MCF2L: variants seen among roughly 807,000 people sequenced by gnomAD.
MCF2L encodes the protein guanine nucleotide exchange factor DBS.
In MCF2L, 97 loss-of-function variants were observed where a neutral mutation model predicts 153.4. That is an observed-to-expected ratio of 0.63 (90% CI 0.54 to 0.75). The LOEUF (loss-of-function observed/expected upper bound fraction) is 0.75, where lower values mean the gene tolerates loss of function less well. MCF2L is among the 30% of genes least tolerant of loss of function. The probability of loss-of-function intolerance (pLI) is 0.00; values close to 1 mark genes in which losing one functional copy is unlikely to be tolerated. For missense variants in MCF2L, 1,347 were observed against 1,495.2 expected (o/e 0.90, Z 1.64); for synonymous variants, 659 against 632.2 (o/e 1.04, Z -0.64).
At chr13:113,001,854 G>C in intron 1 of MCF2L, 1 of 1,538,732 alleles carries the variant, frequency 6.5e-7, no homozygotes, top group Non-Finnish European at 8.7e-7. Context: ...TCCTTTGTGT[G>C]CCCGGGAAGG....
At chr13:112,959,910 G>A (rs1480831772) in intron 2 of MCF2L, among the ~76,000 whole-genome samples, 1 of 152,216 alleles carries the variant, frequency 6.6e-6, no homozygotes, top group Non-Finnish European at 1.5e-5. Context: ...CATCATGGGA[G>A]ATGCACAGTG....
intron 2 of MCF2L, chr13:112,909,120 T>C: frequency 1.4e-6 from 1 of 728,096 alleles, no homozygotes; most frequent in South Asian, 1.5e-5. Context: ...TGCAAAGAAA[T>C]TCTCTCCCTC....
chr13:113,095,574 G>A, intron 27 of MCF2L: 1 of 999,140 alleles, frequency 1.0e-6, no homozygotes. Flanking sequence ...CATCACGTGA[G>A]GGCAGGCAGC....
chr13:113,022,593 GC>G (rs1387958973), intron 2 of MCF2L, among the ~76,000 whole-genome samples: 2 of 152,270 alleles, frequency 1.3e-5, no homozygotes, highest in Non-Finnish European at 1.5e-5. Flanking sequence ...GCAGGCTGCG[GC>G]CGTTTCCACA....
intron 2 of MCF2L, among the ~76,000 whole-genome samples, chr13:112,933,577 G>T (rs140820068): frequency 2.0e-5 from 3 of 152,178 alleles, no homozygotes; most frequent in African/African-American, 7.2e-5. Context: ...CTGGGATTTC[G>T]GTATTTTTCT....
At chr13:112,934,823 A>C (rs1436569706) in intron 2 of MCF2L, among the ~76,000 whole-genome samples, 2 of 152,080 alleles carry the variant, frequency 1.3e-5, no homozygotes, top group Non-Finnish European at 2.9e-5. Context: ...CCACATTACA[A>C]ATAGGCCAGC....
In MCF2L at chr13:113,045,127, G is replaced by A. The variant is rs781523263; in HGVS notation, c.279-144G>A. 16 of 920,128 alleles carry A rather than the reference G, an allele frequency of 1.7e-5. No individual in the cohort carries two copies. Among genetic ancestry groups the A allele is most frequent in the Non-Finnish European group, 2.4e-5 (14 of 581,156 alleles). 57.0% of individuals were successfully genotyped at this position (920,128 alleles called of 1,614,324 possible). On this transcript the variant is annotated intron_variant, in intron 3 of 29. Coordinates refer to ENST00000535094, the MANE Select transcript of MCF2L (RefSeq NM_001112732.3). This position sits in a 1 kb window ranked among gnomAD's most constrained non-coding sequence, Gnocchi z 4.2. ...CGGGGATGGGGCTGCCGGGGCCCCC[G>A]TGTGCCATGCCTCTCACCTGGTATT...
intron 26 of MCF2L, chr13:113,089,976 G>C (rs953976750): frequency 3.8e-6 from 6 of 1,599,520 alleles, no homozygotes; most frequent in Non-Finnish European, 5.1e-6. Flanking sequence ...CGTGCAACCC[G>C]GAGCCGCCTT....
At chr13:112,968,383 C>G, upstream of MCF2L, 2 of 1,520,164 alleles carry the variant, frequency 1.3e-6, no homozygotes, top group African/African-American at 1.4e-5. Flanking sequence ...GGCCATGGCC[C>G]TGCATAGACA....
chr13:113,047,829 C>T (rs575860195), intron 4 of MCF2L, among the ~76,000 whole-genome samples: 2 of 146,504 alleles, frequency 1.4e-5, no homozygotes, highest in African/African-American at 2.8e-5. Context: ...CACCTCGCTA[C>T]GCGTGCCCTG....
intron 4 of MCF2L, among the ~76,000 whole-genome samples, chr13:113,059,161 G>T (rs1000910563): frequency 5.3e-5 from 8 of 152,212 alleles, no homozygotes; most frequent in Non-Finnish European, 1.2e-4. Context: ...TGGGGTGCGC[G>T]ATCTAGAATT....
intron 15 of MCF2L, among the ~76,000 whole-genome samples, chr13:113,079,397 C>A (rs1199864190): frequency 6.6e-6 from 1 of 152,110 alleles, no homozygotes; most frequent in Non-Finnish European, 1.5e-5. Context: ...GAGGAGGCCA[C>A]ACACCGACCA....
intron 1 of MCF2L, among the ~76,000 whole-genome samples, chr13:112,980,737 C>T (rs561149640): frequency 8.1e-5 from 12 of 147,998 alleles, no homozygotes; most frequent in African/African-American, 2.5e-4. Flanking sequence ...TGAGCGTGCA[C>T]CGTGTGGGTG....
intron 2 of MCF2L, among the ~76,000 whole-genome samples, chr13:112,928,714 A>T (rs761227343): frequency 1.3e-5 from 2 of 152,230 alleles, no homozygotes; most frequent in African/African-American, 4.8e-5. Context: ...TAAGAGACAC[A>T]TGTAAAACGC....
intron 3 of MCF2L, among the ~76,000 whole-genome samples, chr13:113,037,239 C>T (rs918694730): frequency 6.6e-6 from 1 of 152,176 alleles, no homozygotes; most frequent in Non-Finnish European, 1.5e-5. Flanking sequence ...ATAACGACCA[C>T]GATAGAAAGC....
chr13:113,056,721 C>A, intron 4 of MCF2L, among the ~76,000 whole-genome samples: 1 of 113,794 alleles, frequency 8.8e-6, no homozygotes, highest in Non-Finnish European at 1.8e-5. Flanking sequence ...TGTTTGGGTG[C>A]TGAGTGGGTG....
rs1292139641 is a variant in MCF2L, at chr13:113,028,281, C to T, written c.278+3523C>T. ...CCTTTTCTTGAGATTTGTCTAGAAT[C>T]TGCAGCACTCAAAGGCCACCCATCA... On this transcript the variant is annotated intron_variant, in intron 3 of 29. Transcript: ENST00000535094. This position sits in a 1 kb window ranked among gnomAD's most constrained non-coding sequence, Gnocchi z 5.4. 6.6e-6 allele frequency among the ~76,000 whole-genome samples: 1 copy of T among 152,186 alleles called. No individual in the cohort carries two copies. The highest frequency in any genetic ancestry group is 1.5e-5 in the Non-Finnish European group (1 of 68,040).
chr13:112,928,348 T>A lies in MCF2L; in HGVS notation c.169+25977T>A, dbSNP rs529635868. 5.9e-5 allele frequency among the ~76,000 whole-genome samples: 9 copies of A among 152,370 alleles called. No individual in the cohort carries two copies. The South Asian group carries it at 1.4e-3, about 25-fold the overall frequency. On this transcript the variant is annotated intron_variant, in intron 2 of 29. Coordinates refer to the MCF2L transcript ENST00000375608. The stretch of plus-strand genomic sequence containing the variant: ...CATGGCAGACACTGCCCTACCTGCT[T>A]GATTCCTCAGTCTTCTAAGCACTGC...
intron 2 of MCF2L, among the ~76,000 whole-genome samples, chr13:112,958,767 T>C (rs918466917): frequency 6.6e-6 from 1 of 152,204 alleles, no homozygotes; most frequent in Non-Finnish European, 1.5e-5. Flanking sequence ...CCTGCTCGTG[T>C]GTGGGATACG....
Sources: gnomAD v4.1 joint callset for allele counts (sites outside exome capture counted in the v4.1 genomes callset) on GRCh38, gnomAD v4.1.1 for gene constraint, Gnocchi (gnomAD v3.1) non-coding constraint, MANE v1.5 for transcripts, NCBI Gene and HGNC (gene_info 2026-07-23, HGNC 2026-07-21) for gene names.